Variants in PTPRD observed in about 807,000 individuals in gnomAD.
PTPRD encodes protein tyrosine phosphatase receptor type D.
Under a neutral mutation model 214.5 loss-of-function variants are expected in PTPRD, and 34 were observed. The ratio of observed to expected loss-of-function variants is 0.16; its 90% CI spans 0.12 to 0.21. The LOEUF is 0.21. Among genes scored for constraint, PTPRD ranks in the 10% least tolerant of loss-of-function variants. PTPRD has a pLI of 1.00. For synonymous variants in PTPRD, 1,128 were observed against 845.7 expected (o/e 1.33, Z -5.79); for missense variants, 2,545 against 2,398.7 (o/e 1.06, Z -1.27).
intron 10 of PTPRD, among the ~76,000 whole-genome samples, chr9:9,094,297 G>A (rs893464746): frequency 6.6e-6 from 1 of 152,134 alleles, no homozygotes; most frequent in Admixed American, 6.5e-5. Flanking sequence ...CAACCAATGA[G>A]TGGATAAATA....
intron 3 of PTPRD, among the ~76,000 whole-genome samples, chr9:10,226,082 C>G (rs1483027134): frequency 6.6e-6 from 1 of 152,004 alleles, no homozygotes; most frequent in Non-Finnish European, 1.5e-5. Context: ...GACATAGGAT[C>G]CCAGCTGGAA....
intron 11 of PTPRD, among the ~76,000 whole-genome samples, chr9:8,957,626 A>T (rs1385666526): frequency 1.3e-5 from 2 of 151,828 alleles, no homozygotes; most frequent in Non-Finnish European, 2.9e-5. Context: ...TTTGCTCCTC[A>T]TGCTATTGTA....
intron 11 of PTPRD, among the ~76,000 whole-genome samples, chr9:8,883,456 A>G (rs1219062398): frequency 2.0e-5 from 3 of 152,194 alleles, no homozygotes; most frequent in Non-Finnish European, 4.4e-5. Flanking sequence ...ATCAGTCAGG[A>G]CCATAAACTT....
At chr9:10,102,740 T>C (rs1383368499) in intron 3 of PTPRD, among the ~76,000 whole-genome samples, 1 of 151,602 alleles carries the variant, frequency 6.6e-6, no homozygotes, top group Non-Finnish European at 1.5e-5. Context: ...TTTACCCAAG[T>C]GCTTCAAAAT....
At chr9:10,389,478 G>T (rs1299293938) in intron 2 of PTPRD, among the ~76,000 whole-genome samples, 1 of 151,790 alleles carries the variant, frequency 6.6e-6, no homozygotes, top group African/African-American at 2.4e-5. Flanking sequence ...CAGTAATTTG[G>T]CATCACCTGT....
intron 2 of PTPRD, among the ~76,000 whole-genome samples, chr9:10,386,008 G>C (rs2097907780): frequency 6.6e-6 from 1 of 151,090 alleles, no homozygotes; most frequent in Non-Finnish European, 1.5e-5. Context: ...CTTTACCTTT[G>C]GATTTTTTTT....
intron 8 of PTPRD, among the ~76,000 whole-genome samples, chr9:9,415,508 TA>T (rs1375015920): frequency 6.6e-6 from 1 of 151,988 alleles, no homozygotes; most frequent in Non-Finnish European, 1.5e-5. Context: ...AAAAAAATTT[TA>T]AAAAACCCTC....
chr9:9,977,501 G>A (rs1424247349), intron 4 of PTPRD, among the ~76,000 whole-genome samples: 1 of 152,148 alleles, frequency 6.6e-6, no homozygotes, highest in Non-Finnish European at 1.5e-5. Context: ...ATTATCATAA[G>A]TAGCATGTAA....
rs75664915 is a variant in PTPRD at position 10,081,581 on chromosome 9, C to T, written c.-544-47791G>A. Among the ~76,000 whole-genome samples the T allele has an allele frequency of 2.8e-3, 432 of 152,140 alleles. 5 individuals are homozygous for T. Among genetic ancestry groups the T allele is most frequent in the African/African-American group, 0.01 (417 of 41,524 alleles). ...AGCCAAGAGAGGGCCCTCACCGCAA[C>T]CTGACCATGCTAGGGCCCTGATCTG... On this transcript the variant is annotated intron_variant, in intron 3 of 45. Coordinates refer to ENST00000381196, the MANE Select transcript of PTPRD (RefSeq NM_002839.4).
chr9:10,299,940 G>A (rs191631244), intron 3 of PTPRD, among the ~76,000 whole-genome samples: 15 of 152,038 alleles, frequency 9.9e-5, no homozygotes, highest in Non-Finnish European at 2.1e-4. Context: ...TAGAAAACTT[G>A]GTGTACTAAT....
Position 10,326,016 on chromosome 9 carries a change from T to C in PTPRD, c.-545+14947A>G, listed in dbSNP as rs560332710. ...ATCTGAGCAAGTATCTAAAAAGATATGTTTGTCCAAACCGAGATTTTGATC... is the reference window on the plus strand; with the variant it reads ...ATCTGAGCAAGTATCTAAAAAGATACGTTTGTCCAAACCGAGATTTTGATC... On this transcript the variant is annotated intron_variant, in intron 3 of 45. Coordinates refer to ENST00000381196, the MANE Select transcript of PTPRD (RefSeq NM_002839.4). Among the ~76,000 whole-genome samples, 60 of 151,962 alleles carry C rather than the reference T, an allele frequency of 3.9e-4. 1 individual carries two copies. The highest frequency in any genetic ancestry group is 1.2e-3 in the Admixed American group (18 of 15,238).
rs147227090 is a variant in PTPRD, at chr9:10,248,736, C to A, written c.-545+92227G>T. ...GGACGTGCCTTCTTTAAACTAATGG[C>A]ATGCTCTTCTCTCATGAGGTGAGAA... is the stretch of plus-strand genomic sequence containing the variant. On this transcript the variant is annotated intron_variant, in intron 3 of 45. Coordinates refer to ENST00000381196, the MANE Select transcript of PTPRD (RefSeq NM_002839.4). Among the ~76,000 whole-genome samples, 607 of 152,138 alleles carry A rather than the reference C, an allele frequency of 4.0e-3. 7 individuals are homozygous for A. The highest frequency in any genetic ancestry group is 0.013 in the African/African-American group (556 of 41,530).
rs139350040 is a variant in PTPRD at position 8,738,033 on chromosome 9, C to A, written c.-103-4087G>T. Among the ~76,000 whole-genome samples, 1,432 of 152,206 alleles carry A rather than the reference C, an allele frequency of 9.4e-3. 17 individuals are homozygous for A. The highest frequency in any genetic ancestry group is 0.032 in the African/African-American group (1,318 of 41,538). On this transcript the variant is annotated intron_variant, in intron 11 of 45. Transcript: ENST00000381196. ...ATACAATTTCAAAAAATTTATAACT[C>A]CCCGGTTTCTTATTTCTCATACCAC...
intron 2 of PTPRD, among the ~76,000 whole-genome samples, chr9:10,459,653 G>C (rs1421666821): frequency 6.6e-6 from 1 of 151,812 alleles, no homozygotes; most frequent in Non-Finnish European, 1.5e-5. Context: ...AACGACCCGT[G>C]ATGAAGAGCT....
At chr9:8,801,578 T>G (rs907044379) in intron 11 of PTPRD, among the ~76,000 whole-genome samples, 2 of 152,030 alleles carry the variant, frequency 1.3e-5, no homozygotes, top group African/African-American at 2.4e-5. Flanking sequence ...TAGCCAGGCA[T>G]GGTGGCACAT....
At chr9:10,068,668 T>C (rs1220914611) in intron 3 of PTPRD, among the ~76,000 whole-genome samples, 2 of 151,894 alleles carry the variant, frequency 1.3e-5, no homozygotes, top group Non-Finnish European at 2.9e-5. Flanking sequence ...ACAAGAGCTT[T>C]TGATGTACCT....
At chr9:9,212,103 T>C (rs35100681) in intron 9 of PTPRD, among the ~76,000 whole-genome samples, 9,169 of 152,202 alleles carry the variant, frequency 0.06, 740 homozygotes, top group African/African-American at 0.19. Flanking sequence ...TTTCAGTGTT[T>C]TGTATGGGCA....
At chr9:9,229,534 T>C (rs190923577) in intron 9 of PTPRD, among the ~76,000 whole-genome samples, 4 of 152,254 alleles carry the variant, frequency 2.6e-5, no homozygotes, top group Admixed American at 6.5e-5. Context: ...GTGTCCTCTC[T>C]AGACTGTACA....
At chr9:10,061,461 C>A (rs1332210449) in intron 3 of PTPRD, among the ~76,000 whole-genome samples, 1 of 152,076 alleles carries the variant, frequency 6.6e-6, no homozygotes, top group Non-Finnish European at 1.5e-5. Context: ...ACATCACACA[C>A]ATCTCATAAT....
Sources: allele counts gnomAD v4.1 joint callset (sites outside exome capture counted in the v4.1 genomes callset), GRCh38; gene constraint gnomAD v4.1.1; transcripts MANE v1.5; gene names NCBI Gene and HGNC (gene_info 2026-07-23, HGNC 2026-07-21).